NLRP9: variants seen among roughly 807,000 people sequenced by gnomAD.
NLRP9 encodes the protein NACHT, LRR and PYD domains-containing protein 9.
Under a neutral mutation model 83.1 loss-of-function variants are expected in NLRP9, and 88 were observed. The observed-to-expected ratio is 1.06, with a 90% confidence interval of 0.89 to 1.26. The LOEUF (loss-of-function observed/expected upper bound fraction) is 1.26. Ranked by LOEUF, NLRP9 falls within the 50% of genes most tolerant of loss-of-function variation. The pLI is 0.00. For synonymous variants in NLRP9, 521 were observed against 447.6 expected (o/e 1.16, Z -2.07); for missense variants, 1,308 against 1,179.3 (o/e 1.11, Z -1.60).
intron 7 of NLRP9, 63 bp from the exon 8 acceptor site, chr19:55,712,033 T>C (rs1392610050): frequency 6.6e-7 from 1 of 1,522,896 alleles, no homozygotes; most frequent in East Asian, 2.3e-5. Flanking sequence ...AGGCACGCCA[T>C]TGTTACTTGC....
chr19:55,731,773 G>C (rs1988577636), intron 2 of NLRP9, among the ~76,000 whole-genome samples: 1 of 150,350 alleles, frequency 6.7e-6, no homozygotes, highest in Admixed American at 6.6e-5. Context: ...TCTCACACGA[G>C]CCCTATGAAG....
Position 55,732,886 on chromosome 19 carries a change from G to A in NLRP9, c.945C>T (p.Ser315=). The A allele has an allele frequency of 6.2e-7, 1 of 1,613,984 alleles. No individual in the cohort carries two copies. Among genetic ancestry groups the A allele is most frequent in the South Asian group, 1.1e-5 (1 of 91,008 alleles). Residue 315 remains serine, a synonymous_variant, in exon 2 of 9, where the codon AGC becomes AGT. Transcript: ENST00000332836. The part of the protein sequence containing the change: ...SYFSYFFGEK[S]KALKVFNFVR... The stretch of plus-strand genomic sequence containing the variant: ...CAAAATTGAAGACTTTCAGGGCTTT[G>A]CTCTTCTCACCAAAGAAGTAGGAGA...
In NLRP9 at chr19:55,732,145, C is replaced by A. The variant is rs866482251; in HGVS notation, c.1686G>T (p.Met562Ile). Reference sequence around the variant, plus strand: ...AAATGAAAACTTCTTCAAAGAAATTCATCACTTTGGTTACAAATTCTTTTT... The same window carrying A: ...AAATGAAAACTTCTTCAAAGAAATTAATCACTTTGGTTACAAATTCTTTTT... Reference protein sequence around the residue: ...TQEKEFVTKVMNFFEEVFIYI... With the variant: ...TQEKEFVTKVINFFEEVFIYI... Residue 562 changes from methionine to isoleucine, a missense_variant, in exon 2 of 9, where the codon ATG (methionine) becomes ATT (isoleucine). By Grantham distance (10) the Met-to-Ile change is conservative (BLOSUM62 1). Transcript: ENST00000332836. 2 of 1,613,146 alleles carry A rather than the reference C, an allele frequency of 1.2e-6. No homozygotes were observed. Among genetic ancestry groups the A allele is most frequent in the East Asian group, 2.2e-5 (1 of 44,886 alleles).
At chr19:55,733,919 A>AATTTTTTTTTTTTTTTT (rs1555796186) in intron 1 of NLRP9, among the ~76,000 whole-genome samples, 2 of 117,872 alleles carry the variant, frequency 1.7e-5, no homozygotes, top group African/African-American at 7.2e-5. Context: ...TGTCAACCAA[A>AATTTTTTTTTTTTTTTT]TTTTTTTTTT....
intron 3 of NLRP9, among the ~76,000 whole-genome samples, chr19:55,726,790 C>G (rs1282800200): frequency 1.3e-5 from 2 of 152,140 alleles, no homozygotes. Context: ...GGAATGAGCT[C>G]TGGCTTCTGA....
Position 55,708,823 on chromosome 19 carries a change from T to C in NLRP9, c.*89A>G. 1.2e-6 allele frequency: 1 copy of C among 838,076 alleles called. No homozygotes were observed. The highest frequency in any genetic ancestry group is 1.8e-6 in the Non-Finnish European group (1 of 552,752). The allele number at this position is 838,076 out of a possible 1,614,324, so 51.9% of individuals were successfully genotyped here. A position where few individuals can be genotyped will look rare whatever the true frequency, so the allele number is the denominator to read the frequency against. On this transcript the variant is annotated 3_prime_UTR_variant, in exon 9 of 9. Transcript: ENST00000332836. ...TGAAATCACAGCCCTGCTGCCATGATGTGCAATTACAGGATAGAGGTGCCA... is the reference window on the plus strand; with the variant it reads ...TGAAATCACAGCCCTGCTGCCATGACGTGCAATTACAGGATAGAGGTGCCA...
At chr19:55,715,303 C>A (rs1987967491) in intron 5 of NLRP9, 78 bp from the exon 6 acceptor site, 4 of 1,249,824 alleles carry the variant, frequency 3.2e-6, no homozygotes, top group Non-Finnish European at 3.4e-6. Flanking sequence ...ATCTCCCAGC[C>A]CACTGAAGCT....
intron 4 of NLRP9, among the ~76,000 whole-genome samples, chr19:55,718,994 C>CT (rs1290627421): frequency 2.6e-5 from 4 of 152,178 alleles, no homozygotes; most frequent in Non-Finnish European, 5.9e-5. Context: ...ACATCTGTAT[C>CT]TTTCAGATCA....
chr19:55,720,051 GA>G lies in NLRP9; in HGVS notation c.2160-3154del, dbSNP rs111425090. On this transcript the variant is annotated intron_variant, in intron 4 of 8. Coordinates refer to ENST00000332836, the MANE Select transcript of NLRP9 (RefSeq NM_176820.4). ...ACCTACAATTCTCTGATGTGTGGGG[GA>G]AAAAAATCTACAAAAATAAAATCAA... Among the ~76,000 whole-genome samples, 811 of 152,126 alleles carry G rather than the reference GA, an allele frequency of 5.3e-3. 8 individuals are homozygous for G. Among genetic ancestry groups the G allele is most frequent in the African/African-American group, 0.018 (764 of 41,506 alleles).
chr19:55,716,877 G>T lies in NLRP9; in HGVS notation c.2181C>A (p.Ser727=). 1.9e-6 allele frequency: 3 copies of T among 1,613,796 alleles called. No individual in the cohort carries two copies. Among genetic ancestry groups the T allele is most frequent in the Non-Finnish European group, 2.5e-6 (3 of 1,179,894 alleles). Residue 727 remains serine (S), a synonymous_variant, in exon 5 of 9, where the codon TCC becomes TCA. Transcript: ENST00000332836. ...AGGCGATGTCTTCACAAACTTCACTGGAGATGTCACACTTTCCCAGTCTAC... is the reference window on the plus strand; with the variant it reads ...AGGCGATGTCTTCACAAACTTCACTTGAGATGTCACACTTTCCCAGTCTAC... ...EELILGKCDI[S]SEVCEDIASV...
chr19:55,733,613 G>T (rs1299468654), intron 1 of NLRP9, 63 bp from the exon 2 acceptor site: 1 of 1,013,396 alleles, frequency 9.9e-7, no homozygotes, highest in Non-Finnish European at 1.5e-6. Flanking sequence ...ATACTTCTGA[G>T]AACTGTAAAC....
At chr19:55,734,092 T>G (rs543998640) in intron 1 of NLRP9, among the ~76,000 whole-genome samples, 4 of 151,596 alleles carry the variant, frequency 2.6e-5, no homozygotes, top group Non-Finnish European at 5.9e-5. Context: ...ATGGTTAAGT[T>G]TTTTGTATTT....
At chr19:55,717,276 G>A (rs1988059121) in intron 4 of NLRP9, among the ~76,000 whole-genome samples, 1 of 152,014 alleles carries the variant, frequency 6.6e-6, no homozygotes, top group African/African-American at 2.4e-5. Context: ...CAAGAGATCT[G>A]CCCACCTCGG....
intron 4 of NLRP9, among the ~76,000 whole-genome samples, chr19:55,719,517 G>A (rs1988153686): frequency 6.6e-6 from 1 of 152,226 alleles, no homozygotes; most frequent in South Asian, 2.1e-4. Context: ...ATATGCAAGT[G>A]TTTATGCATG....
At chr19:55,716,660 T>C in intron 5 of NLRP9, 68 bp downstream of exon 5, 2 of 1,371,270 alleles carry the variant, frequency 1.5e-6, no homozygotes, top group East Asian at 2.3e-5. Flanking sequence ...CCGCGTTGCT[T>C]TGATAATGGG....
chr19:55,722,398 T>C (rs774653084), intron 4 of NLRP9, among the ~76,000 whole-genome samples: 1 of 152,172 alleles, frequency 6.6e-6, no homozygotes, highest in Non-Finnish European at 1.5e-5. Context: ...TGGAAACAGC[T>C]TGAATAAGGA....
intron 4 of NLRP9, 129 bp from the exon 5 acceptor site, chr19:55,717,027 CT>C: frequency 2.0e-6 from 1 of 504,838 alleles, no homozygotes; most frequent in Admixed American, 3.5e-5. Flanking sequence ...ACTACAGACT[CT>C]TTTTCTTTTT....
At chr19:55,714,191 G>A (rs186421658) in intron 6 of NLRP9, among the ~76,000 whole-genome samples, 75 of 152,096 alleles carry the variant, frequency 4.9e-4, no homozygotes, top group Admixed American at 9.8e-4. Context: ...CGCTCTGACT[G>A]TCATTTATCA....
intron 4 of NLRP9, among the ~76,000 whole-genome samples, chr19:55,722,323 AT>A (rs1326168737): frequency 6.6e-6 from 1 of 152,212 alleles, no homozygotes; most frequent in African/African-American, 2.4e-5. Context: ...ATACTATAGA[AT>A]TTTGAAAGTT....
Sources: gnomAD v4.1 joint callset for allele counts (sites outside exome capture counted in the v4.1 genomes callset) on GRCh38, gnomAD v4.1.1 for gene constraint, MANE v1.5 for transcripts, NCBI Gene and HGNC (gene_info 2026-07-23, HGNC 2026-07-21) for gene names.